Variants in SAMD5 observed in about 807,000 individuals in gnomAD.
SAMD5 encodes sterile alpha motif domain-containing protein 5.
SAMD5 carries 13 observed loss-of-function variants against 11.3 expected under a neutral mutation model. That is an observed-to-expected ratio of 1.15 (90% confidence interval 0.75 to 1.83). SAMD5 has a LOEUF of 1.83. Among genes scored for constraint, SAMD5 ranks in the 40% most tolerant of loss-of-function variants. SAMD5 has a pLI of 0.00. For missense variants in SAMD5, 255 were observed against 239.1 expected (o/e 1.07, Z -0.44); for synonymous variants, 129 against 111.3 (o/e 1.16, Z -1.00).
intron 1 of SAMD5, among the ~76,000 whole-genome samples, chr6:147,607,913 A>G (rs911256737): frequency 6.6e-6 from 1 of 152,314 alleles, no homozygotes; most frequent in South Asian, 2.1e-4. Flanking sequence ...ACCAGAATAT[A>G]TAAGGAGCTC....
chr6:147,832,532 TCTAGA>T, the SAMD5 span, among the ~76,000 whole-genome samples: 1 of 152,138 alleles, frequency 6.6e-6, no homozygotes. Context: ...CTTCATTCTT[TCTAGA>T]CTACCATCGC....
chr6:147,879,147 C>T, the SAMD5 span, among the ~76,000 whole-genome samples: 1 of 152,188 alleles, frequency 6.6e-6, no homozygotes, highest in Non-Finnish European at 1.5e-5. Flanking sequence ...AGAGTCAGGA[C>T]TGTTACTGCC....
At chr6:147,906,184 C>G in the SAMD5 span, among the ~76,000 whole-genome samples, 1 of 152,188 alleles carries the variant, frequency 6.6e-6, no homozygotes, top group Non-Finnish European at 1.5e-5. Context: ...GATATTTTTA[C>G]TTGAATTTTT....
At chr6:147,661,119 T>G (rs1034125509) in intron 1 of SAMD5, among the ~76,000 whole-genome samples, 1 of 152,192 alleles carries the variant, frequency 6.6e-6, no homozygotes, top group African/African-American at 2.4e-5. Flanking sequence ...TGTATATATA[T>G]TCCCTTTAGA....
the SAMD5 span, among the ~76,000 whole-genome samples, chr6:147,786,293 A>G: frequency 0.038 from 5,852 of 152,280 alleles, 145 homozygotes; most frequent in Non-Finnish European, 0.049. Context: ...TTAATTGTAA[A>G]CATTCCATAA....
chr6:147,706,416 TG>T (rs747918089), intron 1 of SAMD5, among the ~76,000 whole-genome samples: 23 of 152,082 alleles, frequency 1.5e-4, no homozygotes, highest in Non-Finnish European at 2.4e-4. Context: ...TTAGTAAAGA[TG>T]GGGTTTTACC....
intron 1 of SAMD5, among the ~76,000 whole-genome samples, chr6:147,710,526 T>C (rs1314918366): frequency 6.6e-6 from 1 of 152,154 alleles, no homozygotes; most frequent in African/African-American, 2.4e-5. Context: ...GCTTGTTAGT[T>C]ACTTGGTGGC....
chr6:147,517,838 T>C (rs1333490192), intron 1 of SAMD5, among the ~76,000 whole-genome samples: 2 of 151,512 alleles, frequency 1.3e-5, no homozygotes, highest in Non-Finnish European at 1.5e-5. Flanking sequence ...AAGTGTGAAA[T>C]GGAAAATGTA....
chr6:147,654,009 A>G (rs890312735), intron 1 of SAMD5, among the ~76,000 whole-genome samples: 43 of 152,368 alleles, frequency 2.8e-4, no homozygotes, highest in African/African-American at 1.0e-3. Context: ...TTTAATCCAC[A>G]GTTTAGAATT....
At chr6:147,714,719 A>G (rs1043580869) in intron 1 of SAMD5, among the ~76,000 whole-genome samples, 2 of 152,208 alleles carry the variant, frequency 1.3e-5, no homozygotes, top group Admixed American at 6.5e-5. Context: ...GTGCATTGGA[A>G]TCATCTGGAC....
the SAMD5 span, among the ~76,000 whole-genome samples, chr6:147,932,823 A>G: frequency 6.6e-6 from 1 of 152,144 alleles, no homozygotes. Context: ...GGGTTTGCCT[A>G]TTGAACATTA....
chr6:147,628,503 T>TG (rs1315605144), intron 1 of SAMD5, among the ~76,000 whole-genome samples: 1 of 152,170 alleles, frequency 6.6e-6, no homozygotes, highest in African/African-American at 2.4e-5. Context: ...GCTTTGATGA[T>TG]GGGATTACTG....
chr6:147,570,371 A>G (rs759577361), downstream of SAMD5, among the ~76,000 whole-genome samples: 1 of 152,098 alleles, frequency 6.6e-6, no homozygotes, highest in Non-Finnish European at 1.5e-5. Context: ...GTTTCTGTAC[A>G]TGTGTTTCTG....
chr6:147,901,053 G>A, the SAMD5 span, among the ~76,000 whole-genome samples: 13 of 152,086 alleles, frequency 8.5e-5, no homozygotes, highest in African/African-American at 1.9e-4. Context: ...CAGGGTTCAC[G>A]TCACAGCTTC....
chr6:147,567,737 A>G lies in SAMD5; in HGVS notation c.*3281A>G, dbSNP rs1316280949. 5.1e-6 allele frequency: 5 copies of G among 985,242 alleles called. No individual in the cohort carries two copies. Among genetic ancestry groups the G allele is most frequent in the Non-Finnish European group, 6.0e-6 (5 of 829,910 alleles). The allele number at this position is 985,242 out of a possible 1,614,324, so 61.0% of individuals were successfully genotyped here. A position where few individuals can be genotyped will look rare whatever the true frequency, so the allele number is the denominator to read the frequency against. ...GACTAGAAAACTCAGACATAAATTGACATTTCCTTATCATTGCCTGAAACC... is the reference window on the plus strand; with the variant it reads ...GACTAGAAAACTCAGACATAAATTGGCATTTCCTTATCATTGCCTGAAACC... On this transcript the variant is annotated 3_prime_UTR_variant, in exon 2 of 2. Coordinates refer to ENST00000367474, the MANE Select transcript of SAMD5 (RefSeq NM_001030060.3).
At chr6:147,662,026 G>A (rs1374280158) in intron 1 of SAMD5, among the ~76,000 whole-genome samples, 1 of 152,046 alleles carries the variant, frequency 6.6e-6, no homozygotes, top group Non-Finnish European at 1.5e-5. Context: ...GACTCATTTC[G>A]TCCTCTCCTT....
chr6:147,897,777 T>A, the SAMD5 span, among the ~76,000 whole-genome samples: 1 of 151,604 alleles, frequency 6.6e-6, no homozygotes, highest in African/African-American at 2.4e-5. Context: ...CAACCCTGTC[T>A]CTACTAAAAA....
chr6:147,584,302 CTT>C (rs1789343295), intron 1 of SAMD5, among the ~76,000 whole-genome samples: 1 of 152,154 alleles, frequency 6.6e-6, no homozygotes. Context: ...CAAGCACTTG[CTT>C]TTGTTTGTCA....
intron 1 of SAMD5, among the ~76,000 whole-genome samples, chr6:147,666,541 A>G (rs941944680): frequency 3.3e-5 from 5 of 152,146 alleles, no homozygotes; most frequent in Non-Finnish European, 7.4e-5. Context: ...AAACTACTTT[A>G]GAAAGCAGAT....
Sources: gnomAD v4.1 joint callset for allele counts (sites outside exome capture counted in the v4.1 genomes callset) on GRCh38, gnomAD v4.1.1 for gene constraint, MANE v1.5 for transcripts, NCBI Gene and HGNC (gene_info 2026-07-23, HGNC 2026-07-21) for gene names.